The following EPHA5 variants were observed in gnomAD, a reference collection of about 807,000 sequenced individuals.
EPHA5 encodes EPH receptor A5, also known as ephrin type-A receptor 5.
In EPHA5, 60 loss-of-function variants were observed where a neutral mutation model predicts 105.0. That is an observed-to-expected ratio of 0.57 (90% CI 0.46 to 0.71). EPHA5 has a LOEUF of 0.71. EPHA5 is among the 30% of genes least tolerant of loss of function. The pLI is 0.00. For synonymous variants in EPHA5, 513 were observed against 449.1 expected, an observed-to-expected ratio of 1.14 and a Z score of -1.80; for missense variants, 1,218 against 1,274.7, an observed-to-expected ratio of 0.96 and a Z score of 0.68.
At chr4:65,347,928 AG>A (rs1722375558) in intron 14 of EPHA5, 125 bp downstream of exon 14, 1 of 999,068 alleles carries the variant, frequency 1.0e-6, no homozygotes, top group Non-Finnish European at 1.4e-6. Context: ...AAAACAGATC[AG>A]AGGGTAAGCA....
At chr4:65,447,198 CG>C (rs1726632840) in intron 5 of EPHA5, among the ~76,000 whole-genome samples, 1 of 150,740 alleles carries the variant, frequency 6.6e-6, no homozygotes, top group Non-Finnish European at 1.5e-5. Context: ...CAATGGATTG[CG>C]GGTTGGGGGG....
At chr4:65,458,341 A>G (rs2149124731) in intron 5 of EPHA5, among the ~76,000 whole-genome samples, 1 of 152,280 alleles carries the variant, frequency 6.6e-6, no homozygotes, top group Admixed American at 6.5e-5. Flanking sequence ...CTTTCCAAAC[A>G]TATCATCCCT....
chr4:65,378,205 G>A (rs1417095699), intron 8 of EPHA5, among the ~76,000 whole-genome samples: 1 of 151,438 alleles, frequency 6.6e-6, no homozygotes, highest in Non-Finnish European at 1.5e-5. Context: ...AAATGTCTGA[G>A]GATTTGACTG....
chr4:65,470,470 G>A (rs560264688), intron 5 of EPHA5, among the ~76,000 whole-genome samples: 8 of 152,218 alleles, frequency 5.3e-5, no homozygotes, highest in Non-Finnish European at 7.4e-5. Flanking sequence ...GGCATTACAC[G>A]TGTGAACCAC....
At chr4:65,471,802 A>C in intron 5 of EPHA5, among the ~76,000 whole-genome samples, 1 of 152,152 alleles carries the variant, frequency 6.6e-6, no homozygotes, top group Non-Finnish European at 1.5e-5. Flanking sequence ...CTCCTTTGAC[A>C]TGTAGGGATT....
At chr4:65,551,986 T>G (rs1404860945) in intron 3 of EPHA5, among the ~76,000 whole-genome samples, 1 of 152,178 alleles carries the variant, frequency 6.6e-6, no homozygotes, top group East Asian at 1.9e-4. Context: ...TACAAAACAC[T>G]GTAAATGATG....
chr4:65,460,225 A>C (rs149781644), intron 5 of EPHA5, among the ~76,000 whole-genome samples: 205 of 151,698 alleles, frequency 1.4e-3, no homozygotes, highest in African/African-American at 4.6e-3. Flanking sequence ...GAATTATGTT[A>C]ATGTATGTAG....
chr4:65,610,825 T>C (rs1394766627), intron 2 of EPHA5, among the ~76,000 whole-genome samples: 1 of 152,186 alleles, frequency 6.6e-6, no homozygotes, highest in African/African-American at 2.4e-5. Context: ...AATAGGTTTA[T>C]AAACCACTGA....
chr4:65,423,830 T>A (rs998455325), intron 5 of EPHA5, among the ~76,000 whole-genome samples: 4 of 151,958 alleles, frequency 2.6e-5, no homozygotes, highest in African/African-American at 9.7e-5. Flanking sequence ...AAGATCTGGG[T>A]GTTGAGTGTG....
intron 3 of EPHA5, among the ~76,000 whole-genome samples, chr4:65,555,652 G>T (rs569772802): frequency 6.7e-6 from 1 of 150,320 alleles, no homozygotes; most frequent in African/African-American, 2.5e-5. Context: ...ATTTTTCGAA[G>T]CTGGGCTACT....
At chr4:65,531,279 C>T (rs1735768523) in intron 3 of EPHA5, among the ~76,000 whole-genome samples, 1 of 151,608 alleles carries the variant, frequency 6.6e-6, no homozygotes, top group Non-Finnish European at 1.5e-5. Flanking sequence ...CCTCATGATC[C>T]ACCCGCCTCG....
In EPHA5 at chr4:65,321,698, T is replaced by C. The variant is rs1349258490; in HGVS notation, c.*2416A>G. On this transcript the variant is annotated 3_prime_UTR_variant, in exon 17 of 17. Coordinates refer to ENST00000613740, the MANE Select transcript of EPHA5 (RefSeq NM_001281766.3). ...AAATTAATTTATATTCTTCCTTTGT[T>C]AAAAAGAGAAAATCTATATTGCAAC... 2 of 228,812 alleles carry C rather than the reference T, an allele frequency of 8.7e-6. No homozygotes were observed. The highest frequency in any genetic ancestry group is 2.2e-5 in the African/African-American group (1 of 45,096). The allele number at this position is 228,812 out of a possible 1,614,324, so 14.2% of individuals were successfully genotyped here. A position where few individuals can be genotyped will look rare whatever the true frequency, so the allele number is the denominator to read the frequency against.
chr4:65,661,155 G>A (rs1320245670), intron 1 of EPHA5, among the ~76,000 whole-genome samples: 1 of 152,096 alleles, frequency 6.6e-6, no homozygotes, highest in Non-Finnish European at 1.5e-5. Context: ...ATATATAAGG[G>A]CCAAATAATT....
chr4:65,414,164 G>T, intron 7 of EPHA5, 120 bp downstream of exon 7: 2 of 887,120 alleles, frequency 2.3e-6, no homozygotes, highest in Non-Finnish European at 3.6e-6. Flanking sequence ...AAGGGGTCAT[G>T]CCTGGGAGAG....
intron 3 of EPHA5, among the ~76,000 whole-genome samples, chr4:65,565,071 C>G (rs1380602611): frequency 6.6e-6 from 1 of 151,542 alleles, no homozygotes; most frequent in Non-Finnish European, 1.5e-5. Context: ...AGATATTTCA[C>G]AGCAGTCACT....
chr4:65,322,502 A>G lies in EPHA5; in HGVS notation c.*1612T>C, dbSNP rs1719713215. Reference sequence around the variant, plus strand: ...TGCTCTGATTTTGACTAATCACATGACATTCCATAATTTTTATAAAGTGTA... The same window carrying G: ...TGCTCTGATTTTGACTAATCACATGGCATTCCATAATTTTTATAAAGTGTA... On this transcript the variant is annotated 3_prime_UTR_variant, in exon 17 of 17. Transcript: ENST00000613740. 4.4e-6 allele frequency: 1 copy of G among 225,482 alleles called. No homozygotes were observed. Among genetic ancestry groups the G allele is most frequent in the Non-Finnish European group, 8.8e-6 (1 of 113,188 alleles). The allele number at this position is 225,482 out of a possible 1,614,324, so 14.0% of individuals were successfully genotyped here.
chr4:65,573,432 A>C, intron 3 of EPHA5: 1 of 1,084,038 alleles, frequency 9.2e-7, no homozygotes, highest in Non-Finnish European at 1.3e-6. Flanking sequence ...AAAAAAAAAA[A>C]AAAGAAGCTC....
At chr4:65,577,732 T>C (rs182076851) in intron 3 of EPHA5, among the ~76,000 whole-genome samples, 129 of 152,274 alleles carry the variant, frequency 8.5e-4, no homozygotes, top group African/African-American at 3.0e-3. Context: ...ATGCCACTAA[T>C]GACCCTGGAT....
In EPHA5 at chr4:65,348,809, A is replaced by AT. The variant is rs1257886289; in HGVS notation, c.2446-607dup. On this transcript the variant is annotated intron_variant, in intron 13 of 16. Coordinates refer to ENST00000613740, the MANE Select transcript of EPHA5 (RefSeq NM_001281766.3). Reference sequence around the variant, plus strand: ...TGTGTGTGTGTATATATATATATATATATATATTTTTTTTTTTTTTTTTTG... The same window carrying AT: ...TGTGTGTGTGTATATATATATATATATTATATATTTTTTTTTTTTTTTTTTG... 2.2e-4 allele frequency among the ~76,000 whole-genome samples: 12 copies of AT among 54,876 alleles called. 1 individual carries two copies. Among genetic ancestry groups the AT allele is most frequent in the South Asian group, 1.4e-3 (2 of 1,440 alleles). 36.0% of individuals were successfully genotyped at this position (54,876 alleles called of 152,430 possible). A position where few individuals can be genotyped will look rare whatever the true frequency, so the allele number is the denominator to read the frequency against.
Sources: allele counts gnomAD v4.1 joint callset (sites outside exome capture counted in the v4.1 genomes callset), GRCh38; gene constraint gnomAD v4.1.1; transcripts MANE v1.5; gene names NCBI Gene and HGNC (gene_info 2026-07-23, HGNC 2026-07-21).